CDH1: variants seen among roughly 807,000 people sequenced by gnomAD.
CDH1 encodes the protein cadherin-1.
CDH1 carries 35 observed loss-of-function variants against 84.5 expected under a neutral mutation model. The ratio of observed to expected loss-of-function variants is 0.41; its 90% confidence interval spans 0.32 to 0.55. The LOEUF (loss-of-function observed/expected upper bound fraction) is 0.55. Among genes scored for constraint, CDH1 ranks in the 20% least tolerant of loss-of-function variants. The pLI, the probability that CDH1 is intolerant of heterozygous loss-of-function variation, is 0.19. For synonymous variants in CDH1, 417 were observed against 439.0 expected (o/e 0.95, Z 0.63); for missense variants, 994 against 1,126.6 (o/e 0.88, Z 1.68).
intron 10 of CDH1, among the ~76,000 whole-genome samples, chr16:68,818,959 G>T (rs543955255): frequency 1.3e-5 from 2 of 151,866 alleles, no homozygotes; most frequent in African/African-American, 4.8e-5. Flanking sequence ...AGGTTCAAAC[G>T]ATTCTCCTGC....
Position 68,821,840 on chromosome 16 carries a change from G to A in CDH1, c.1712-161G>A, listed in dbSNP as rs150483419. 4.5e-3 allele frequency among the ~76,000 whole-genome samples: 688 copies of A among 152,254 alleles called. 2 individuals carry two copies. Among genetic ancestry groups the A allele is most frequent in the Non-Finnish European group, 7.4e-3 (501 of 68,000 alleles). The stretch of plus-strand genomic sequence containing the variant: ...AGAGACCTGCCCACCTGGGAGTGGA[G>A]GTCCTTTGGGATTGGTGGGACAGGA... On this transcript the variant is annotated intron_variant, in intron 11 of 15. Coordinates refer to ENST00000261769, the MANE Select transcript of CDH1 (RefSeq NM_004360.5).
At chr16:68,775,109 G>C (rs1959691841) in intron 2 of CDH1, among the ~76,000 whole-genome samples, 2 of 148,162 alleles carry the variant, frequency 1.3e-5, no homozygotes, top group African/African-American at 5.1e-5. Flanking sequence ...CTGGGTGATA[G>C]GGCAAGGCCC....
At chr16:68,794,222 A>G (rs1258198419) in intron 2 of CDH1, among the ~76,000 whole-genome samples, 2 of 151,648 alleles carry the variant, frequency 1.3e-5, no homozygotes, top group African/African-American at 4.9e-5. Context: ...TGAGTTTTTT[A>G]TAGAGACACG....
chr16:68,833,317 A>T lies in CDH1; in HGVS notation c.2467A>T (p.Thr823Ser), dbSNP rs878854686. 6.2e-7 allele frequency: 1 copy of T among 1,614,096 alleles called. No individual in the cohort carries two copies. Residue 823 changes from threonine to serine, a missense_variant, in exon 16 of 16, where the codon ACA becomes TCA. Thr to Ser is a moderately conservative substitution (Grantham distance 58). Transcript: ENST00000261769. ...ENLKAADTDP[T>S]APPYDSLLVF... ...TCTGAAAGCGGCTGATACTGACCCC[A>T]CAGCCCCGCCTTATGATTCTCTGCT...
chr16:68,800,964 G>T (rs1960481152), intron 2 of CDH1, among the ~76,000 whole-genome samples: 1 of 152,112 alleles, frequency 6.6e-6, no homozygotes, highest in Non-Finnish European at 1.5e-5. Flanking sequence ...TCACGATTTT[G>T]TCCTCACAGT....
chr16:68,770,576 G>A (rs1959542437), intron 2 of CDH1, among the ~76,000 whole-genome samples: 1 of 152,024 alleles, frequency 6.6e-6, no homozygotes, highest in Admixed American at 6.6e-5. Context: ...ATTCTAGAAG[G>A]ATGTAAAGCA....
At chr16:68,745,038 G>C (rs760348298) in intron 2 of CDH1, among the ~76,000 whole-genome samples, 1 of 152,142 alleles carries the variant, frequency 6.6e-6, no homozygotes, top group Non-Finnish European at 1.5e-5. Context: ...TGCTCAGGGT[G>C]GACCGGAACG....
chr16:68,811,885 G>A (rs1486091526), intron 7 of CDH1, 26 bp downstream of exon 7: 3 of 1,612,920 alleles, frequency 1.9e-6, no homozygotes, highest in East Asian at 2.2e-5. Context: ...GATCCAGAGG[G>A]TGTGGAGGAC....
intron 2 of CDH1, among the ~76,000 whole-genome samples, chr16:68,772,568 T>G (rs1959608320): frequency 1.3e-5 from 2 of 152,158 alleles, no homozygotes; most frequent in Admixed American, 6.6e-5. Flanking sequence ...AGATCTTATA[T>G]ATACTTCACT....
chr16:68,753,031 A>C (rs917886419), intron 2 of CDH1, among the ~76,000 whole-genome samples: 5 of 151,984 alleles, frequency 3.3e-5, no homozygotes, highest in Admixed American at 6.6e-5. Context: ...GCTTGATGAG[A>C]GACGCAAAAA....
In CDH1 at chr16:68,835,319, C is replaced by G. The variant is rs1218640746; in HGVS notation, c.*1820C>G. On this transcript the variant is annotated 3_prime_UTR_variant, in exon 16 of 16. Transcript: ENST00000261769. ...AAGTGTTTTGGAGAAAAAAATCAACCCTGCAATCACTTTTTGGAATTGTCT... is the reference window on the plus strand; with the variant it reads ...AAGTGTTTTGGAGAAAAAAATCAACGCTGCAATCACTTTTTGGAATTGTCT... The G allele has an allele frequency of 4.5e-6, 1 of 224,314 alleles. No individual in the cohort carries two copies. The highest frequency in any genetic ancestry group is 8.9e-6 in the Non-Finnish European group (1 of 112,478). The allele number at this position is 224,314 out of a possible 1,614,324, so 13.9% of individuals were successfully genotyped here. A position where few individuals can be genotyped will look rare whatever the true frequency, so the allele number is the denominator to read the frequency against.
At position 68,829,936 on chromosome 16, in the gene CDH1, CCTTTTTCTTTTTTTTT is replaced by C. The variant is rs1341364491; in HGVS notation, c.2439+156_2439+171del. ...TGCCTGAGCCCTGGAGCCCTGTTTT[CCTTTTTCTTTTTTTTT>C]CTTTTTCTTTTTTTTTTTTTTTGAG... is the stretch of plus-strand genomic sequence containing the variant. On this transcript the variant is annotated intron_variant, in intron 15 of 15. Coordinates refer to ENST00000261769, the MANE Select transcript of CDH1 (RefSeq NM_004360.5). The C allele has an allele frequency of 2.8e-3, 2,239 of 804,516 alleles. 2 individuals are homozygous for C. The highest frequency in any genetic ancestry group is 0.012 in the East Asian group (447 of 35,780). 49.8% of individuals were successfully genotyped at this position (804,516 alleles called of 1,614,324 possible). A position where few individuals can be genotyped will look rare whatever the true frequency, so the allele number is the denominator to read the frequency against.
chr16:68,781,008 G>C (rs1428401903), intron 2 of CDH1, among the ~76,000 whole-genome samples: 1 of 152,232 alleles, frequency 6.6e-6, no homozygotes, highest in Non-Finnish European at 1.5e-5. Context: ...GGAAGATTAA[G>C]GAGCTACTGC....
rs1190877236 is a variant in CDH1, at chr16:68,834,905, C to T, written c.*1406C>T. The T allele has an allele frequency of 1.3e-5, 3 of 232,456 alleles. No individual in the cohort carries two copies. The Admixed American group carries it at 1.7e-4, about 13-fold the overall frequency. 14.4% of individuals were successfully genotyped at this position (232,456 alleles called of 1,614,324 possible). A position where few individuals can be genotyped will look rare whatever the true frequency, so the allele number is the denominator to read the frequency against. On this transcript the variant is annotated 3_prime_UTR_variant, in exon 16 of 16. Transcript: ENST00000261769. ...TCATTGAGCCTGGCAATTTAGCAAA[C>T]TGATGCTGAGGATGATTGAGGTGGG...
chr16:68,834,714 T>C lies in CDH1; in HGVS notation c.*1215T>C, dbSNP rs2152144779. ...CATCTCCTGAGTATGTAACTTGCAA[T>C]GGGCAGCTATCCAGTGACTTGTTCT... On this transcript the variant is annotated 3_prime_UTR_variant, in exon 16 of 16. Transcript: ENST00000261769. 1 of 234,170 alleles carries C rather than the reference T, an allele frequency of 4.3e-6. No homozygotes were observed. The highest frequency in any genetic ancestry group is 5.6e-5 in the Admixed American group (1 of 17,996). The allele number at this position is 234,170 out of a possible 1,614,324, so 14.5% of individuals were successfully genotyped here.
intron 9 of CDH1, 118 bp from the exon 10 acceptor site, chr16:68,815,397 C>G: frequency 3.0e-6 from 4 of 1,326,316 alleles, no homozygotes; most frequent in Non-Finnish European, 4.2e-6. Context: ...GCAGAAACCA[C>G]AGTTACTTTT....
At chr16:68,762,147 T>C (rs1190698933) in intron 2 of CDH1, among the ~76,000 whole-genome samples, 1 of 152,202 alleles carries the variant, frequency 6.6e-6, no homozygotes, top group Non-Finnish European at 1.5e-5. Flanking sequence ...CCAATGGCGC[T>C]GCTGGCTCTG....
rs1567515480 is a variant in CDH1 at position 68,828,277 on chromosome 16, T to G, written c.2268T>G (p.Asp756Glu). 2 of 1,614,030 alleles carry G rather than the reference T, an allele frequency of 1.2e-6. No homozygotes were observed. The highest frequency in any genetic ancestry group is 8.5e-7 in the Non-Finnish European group (1 of 1,180,030). The change falls in exon 14 of 16, where the codon GAT (aspartate) becomes GAG (glutamate). Residue 756 changes from aspartate (D) to glutamate (E), a missense_variant. By Grantham distance (45) the Asp-to-Glu change is conservative. Transcript: ENST00000261769. ...CCCGGGACAACGTTTATTACTATGA[T>G]GAAGAAGGAGGCGGAGAAGAGGACC... is the stretch of plus-strand genomic sequence containing the variant. ...DDTRDNVYYY[D>E]EEGGGEEDQD...
rs528816701 is a variant in CDH1, at chr16:68,801,870, C to T, written c.364C>T (p.His122Tyr). 6.2e-7 allele frequency: 1 copy of T among 1,614,032 alleles called. No individual in the cohort carries two copies. Among genetic ancestry groups the T allele is most frequent in the East Asian group, 2.2e-5 (1 of 44,882 alleles). ...AGTCACGCTGAATACAGTGGGGCAC[C>T]ACCACCGCCCCCCGCCCCATCAGGT... is the stretch of plus-strand genomic sequence containing the variant. The part of the protein sequence containing the change: ...TKVTLNTVGH[H>Y]HRPPPHQASV... Residue 122 changes from histidine (H) to tyrosine (Y), a missense_variant, in exon 3 of 16, where the codon CAC becomes TAC. Around this residue, in one of 3 missense-constraint regions of CDH1, gnomAD observed 203 missense variants for 194.0 expected, o/e 1.05. Coordinates refer to ENST00000261769, the MANE Select transcript of CDH1 (RefSeq NM_004360.5).
Sources: allele counts gnomAD v4.1 joint callset (sites outside exome capture counted in the v4.1 genomes callset), GRCh38; gene constraint gnomAD v4.1.1; regional missense constraint gnomAD v4.1.1; transcripts MANE v1.5; gene names NCBI Gene and HGNC (gene_info 2026-07-23, HGNC 2026-07-21).